GFRA1: variants seen among roughly 807,000 people sequenced by gnomAD.
GFRA1 encodes GDNF family receptor alpha 1, also known as GDNF family receptor alpha-1.
GFRA1 carries 16 observed loss-of-function variants against 51.6 expected under a neutral mutation model. The ratio of observed to expected loss-of-function variants is 0.31; its 90% confidence interval spans 0.21 to 0.47. GFRA1 has a LOEUF of 0.47. Among genes scored for constraint, GFRA1 ranks in the 20% least tolerant of loss-of-function variants. GFRA1 has a pLI of 1.00. For missense variants in GFRA1, 530 were observed against 594.3 expected, an observed-to-expected ratio of 0.89 and a Z score of 1.13; for synonymous variants, 270 against 241.3, an observed-to-expected ratio of 1.12 and a Z score of -1.10.
chr10:116,195,578 G>T (rs1296679084), intron 5 of GFRA1, among the ~76,000 whole-genome samples: 1 of 152,216 alleles, frequency 6.6e-6, no homozygotes, highest in Non-Finnish European at 1.5e-5. Flanking sequence ...CTGACAGGAG[G>T]TGAAGCTCTG....
chr10:116,269,337 A>G (rs1032722424), intron 4 of GFRA1, among the ~76,000 whole-genome samples, 166 bp downstream of exon 4: 1 of 152,218 alleles, frequency 6.6e-6, no homozygotes, highest in African/African-American at 2.4e-5. Context: ...TCATACAATC[A>G]TCTCTAGGCA....
chr10:116,202,118 T>A (rs976767457), intron 5 of GFRA1, among the ~76,000 whole-genome samples: 3 of 152,100 alleles, frequency 2.0e-5, no homozygotes, highest in Non-Finnish European at 2.9e-5. Flanking sequence ...CTGCACTGGG[T>A]GCCAGGGATT....
intron 5 of GFRA1, among the ~76,000 whole-genome samples, chr10:116,160,278 A>G (rs982829892): frequency 1.3e-5 from 2 of 152,254 alleles, no homozygotes; most frequent in Admixed American, 6.5e-5. Flanking sequence ...CAAAGGAAAG[A>G]TATTTTTAAT....
intron 9 of GFRA1, among the ~76,000 whole-genome samples, chr10:116,077,281 T>TA: frequency 6.6e-6 from 1 of 152,316 alleles, no homozygotes; most frequent in East Asian, 1.9e-4. Context: ...AATTTAGAGA[T>TA]ACAGCACTGT....
upstream of GFRA1, among the ~76,000 whole-genome samples, chr10:116,274,604 GC>G (rs1408028551): frequency 1.1e-4 from 16 of 152,170 alleles, no homozygotes; most frequent in Middle Eastern, 0.01. Flanking sequence ...GTGTGGAGTC[GC>G]CAAAGAGGGT....
At chr10:116,077,058 G>C (rs1955648328) in intron 9 of GFRA1, among the ~76,000 whole-genome samples, 1 of 152,150 alleles carries the variant, frequency 6.6e-6, no homozygotes, top group Non-Finnish European at 1.5e-5. Context: ...ATTCATAAGA[G>C]ACTTTATAAG....
chr10:116,109,325 T>C lies in GFRA1; in HGVS notation c.771-12561A>G, dbSNP rs1048008726. Among the ~76,000 whole-genome samples, 3 of 152,304 alleles carry C rather than the reference T, an allele frequency of 2.0e-5. No homozygotes were observed. The East Asian group carries it at 5.8e-4, about 29-fold the overall frequency. ...TCTTGGACTTTGGCTGCCATTTTAATGTGAAGTATGTGCTGCAGAAGCCCA... is the reference window on the plus strand; with the variant it reads ...TCTTGGACTTTGGCTGCCATTTTAACGTGAAGTATGTGCTGCAGAAGCCCA... On this transcript the variant is annotated intron_variant, in intron 6 of 10. Transcript: ENST00000355422.
At chr10:116,274,115 C>T (rs1449334710), upstream of GFRA1, among the ~76,000 whole-genome samples, 1 of 152,142 alleles carries the variant, frequency 6.6e-6, no homozygotes, top group African/African-American at 2.4e-5. Flanking sequence ...TGTACACAGC[C>T]CTTCGCCCCA....
intron 5 of GFRA1, among the ~76,000 whole-genome samples, chr10:116,168,149 T>A (rs1960673938): frequency 6.6e-6 from 1 of 151,982 alleles, no homozygotes; most frequent in Non-Finnish European, 1.5e-5. Flanking sequence ...AGGGAATTTT[T>A]TTTTTTTTTT....
chr10:116,204,134 A>G (rs1298115723), intron 5 of GFRA1, among the ~76,000 whole-genome samples: 2 of 152,238 alleles, frequency 1.3e-5, no homozygotes, highest in Non-Finnish European at 1.5e-5. Flanking sequence ...CTAGGTGTCA[A>G]GAAAGCAGAC....
rs570801478 is a variant in GFRA1 at position 116,168,589 on chromosome 10, T to C, written c.434-43032A>G. Reference sequence around the variant, plus strand: ...CAGGAGGAAGTATCATGCTGGTCTGTTGAATTAAATGCTCAAGTTCCCTTC... The same window carrying C: ...CAGGAGGAAGTATCATGCTGGTCTGCTGAATTAAATGCTCAAGTTCCCTTC... On this transcript the variant is annotated intron_variant, in intron 5 of 10. Coordinates refer to ENST00000355422, the MANE Select transcript of GFRA1 (RefSeq NM_005264.8). Among the ~76,000 whole-genome samples, 9 of 152,242 alleles carry C rather than the reference T, an allele frequency of 5.9e-5. No individual in the cohort carries two copies. The South Asian group carries it at 1.7e-3, about 28-fold the overall frequency.
chr10:116,126,005 A>G (rs1247920802), intron 5 of GFRA1, among the ~76,000 whole-genome samples: 1 of 152,242 alleles, frequency 6.6e-6, no homozygotes, highest in African/African-American at 2.4e-5. Context: ...CATATAGTAC[A>G]TGCTAATTAC....
intron 6 of GFRA1, among the ~76,000 whole-genome samples, chr10:116,115,665 C>A (rs764528294): frequency 4.6e-5 from 7 of 152,156 alleles, no homozygotes; most frequent in Non-Finnish European, 8.8e-5. Context: ...TCTCCCCATT[C>A]TTTTGCACCC....
chr10:116,101,351 C>T (rs753408637), intron 6 of GFRA1, among the ~76,000 whole-genome samples: 2 of 152,002 alleles, frequency 1.3e-5, no homozygotes, highest in African/African-American at 2.4e-5. Flanking sequence ...TGTTTTTCTC[C>T]GAGAAAATGA....
At chr10:116,093,950 G>A (rs1956467656) in intron 7 of GFRA1, 114 bp from the exon 8 acceptor site, 1 of 983,734 alleles carries the variant, frequency 1.0e-6, no homozygotes, top group Admixed American at 1.8e-5. Context: ...TACAGACATT[G>A]TATTTGCTGA....
At chr10:116,271,368 C>T (rs946757525) in intron 2 of GFRA1, among the ~76,000 whole-genome samples, 9 of 152,124 alleles carry the variant, frequency 5.9e-5, no homozygotes, top group African/African-American at 2.2e-4. Context: ...CAAGGGTTTG[C>T]TCCAGAGCCT....
chr10:116,150,215 C>T (rs1360724688), intron 5 of GFRA1, among the ~76,000 whole-genome samples: 3 of 152,190 alleles, frequency 2.0e-5, no homozygotes, highest in Non-Finnish European at 4.4e-5. Context: ...TACCACCACC[C>T]TCCAAGCCAT....
intron 5 of GFRA1, among the ~76,000 whole-genome samples, chr10:116,206,778 G>A (rs1206494358): frequency 2.6e-5 from 4 of 151,244 alleles, no homozygotes; most frequent in Non-Finnish European, 5.9e-5. Context: ...GACTACAGGC[G>A]CCTGCCACGA....
chr10:116,263,132 A>T (rs933585696), intron 4 of GFRA1, among the ~76,000 whole-genome samples: 1 of 152,174 alleles, frequency 6.6e-6, no homozygotes, highest in Admixed American at 6.5e-5. Context: ...GATAGAGGAT[A>T]GATTTTTCAT....
Sources: allele counts gnomAD v4.1 joint callset (sites outside exome capture counted in the v4.1 genomes callset), GRCh38; gene constraint gnomAD v4.1.1; transcripts MANE v1.5; gene names NCBI Gene and HGNC (gene_info 2026-07-23, HGNC 2026-07-21).